The following CSMD1 variants were observed in gnomAD, a reference collection of about 807,000 sequenced individuals.
The protein encoded by CSMD1 is CUB and Sushi multiple domains 1.
In CSMD1, 213 loss-of-function variants were observed where a neutral mutation model predicts 417.5. The ratio of observed to expected loss-of-function variants is 0.51; its 90% CI spans 0.46 to 0.57. The LOEUF is 0.57. CSMD1 is among the 20% of genes least tolerant of loss of function. The probability of loss-of-function intolerance (pLI) is 0.00; values close to 1 mark genes in which losing one functional copy is unlikely to be tolerated. For synonymous variants in CSMD1, 2,862 were observed against 1,736.8 expected (o/e 1.65, Z -16.11); for missense variants, 6,923 against 4,529.7 (o/e 1.53, Z -15.17).
chr8:4,248,646 A>T (rs1038038694), intron 3 of CSMD1, among the ~76,000 whole-genome samples: 1 of 152,150 alleles, frequency 6.6e-6, no homozygotes, highest in African/African-American at 2.4e-5. Context: ...ATTTTACACC[A>T]TTAAGGACCA....
chr8:4,744,329 G>A (rs180759149), intron 1 of CSMD1, among the ~76,000 whole-genome samples: 12 of 152,198 alleles, frequency 7.9e-5, no homozygotes, highest in African/African-American at 2.4e-4. Flanking sequence ...CTACTGATGT[G>A]TGTGCTGTGC....
chr8:4,517,383 C>A (rs868723649), intron 2 of CSMD1, among the ~76,000 whole-genome samples: 9 of 152,184 alleles, frequency 5.9e-5, no homozygotes, highest in Non-Finnish European at 1.3e-4. Flanking sequence ...AACAGCTAAT[C>A]TCCCAGACCA....
intron 5 of CSMD1, among the ~76,000 whole-genome samples, chr8:3,868,245 A>G (rs1311407905): frequency 6.6e-6 from 1 of 152,006 alleles, no homozygotes; most frequent in East Asian, 1.9e-4. Context: ...GGGCATCTCC[A>G]TTTAACTTTA....
intron 10 of CSMD1, among the ~76,000 whole-genome samples, chr8:3,529,777 C>T (rs17066333): frequency 0.073 from 11,071 of 152,190 alleles, 589 homozygotes; most frequent in Admixed American, 0.16. Context: ...CAACATACTT[C>T]GTTTCCTCTT....
Position 3,404,027 on chromosome 8 carries a change from A to G in CSMD1, c.2266+2000T>C, listed in dbSNP as rs1335395530. Among the ~76,000 whole-genome samples the G allele has an allele frequency of 3.3e-5, 5 of 152,158 alleles. No individual in the cohort carries two copies. The East Asian group carries it at 9.6e-4, about 29-fold the overall frequency. ...ACAAATTGTTTTAACAATGTATGAAAAGGGTGAACATCAGAATACCCTCCT... is the reference window on the plus strand; with the variant it reads ...ACAAATTGTTTTAACAATGTATGAAGAGGGTGAACATCAGAATACCCTCCT... On this transcript the variant is annotated intron_variant, in intron 15 of 69. Coordinates refer to ENST00000635120, the MANE Select transcript of CSMD1 (RefSeq NM_033225.6).
At chr8:3,291,932 T>C (rs1278925912) in intron 25 of CSMD1, among the ~76,000 whole-genome samples, 1 of 152,120 alleles carries the variant, frequency 6.6e-6, no homozygotes, top group African/African-American at 2.4e-5. Context: ...GTGTCAATTT[T>C]AGATCTTTCC....
chr8:2,966,449 C>T, intron 58 of CSMD1, 121 bp downstream of exon 58: 2 of 878,224 alleles, frequency 2.3e-6, no homozygotes. Context: ...ACATAGTTTT[C>T]CCTTTTTTCC....
At chr8:4,268,158 CACA>C (rs1264451516) in intron 3 of CSMD1, among the ~76,000 whole-genome samples, 2 of 152,090 alleles carry the variant, frequency 1.3e-5, no homozygotes, top group African/African-American at 2.4e-5. Flanking sequence ...AATGTATTTT[CACA>C]ACAACTTAAT....
intron 7 of CSMD1, among the ~76,000 whole-genome samples, chr8:3,619,141 G>GAC (rs1808874829): frequency 6.6e-6 from 1 of 151,738 alleles, no homozygotes; most frequent in African/African-American, 2.4e-5. Flanking sequence ...ATGAGAAGAT[G>GAC]AGGTTAGATT....
chr8:4,907,671 T>C (rs1245252276), intron 1 of CSMD1, among the ~76,000 whole-genome samples: 1 of 151,930 alleles, frequency 6.6e-6, no homozygotes, highest in African/African-American at 2.4e-5. Flanking sequence ...ATGATCCTCC[T>C]AGTCAACTAC....
Position 3,230,250 on chromosome 8 carries a change from G to C in CSMD1, c.4154-19C>G. ...ATTGAGGCTGCAAACAAAAGAGAAG[G>C]CAAGGTCACAGGCTGGAAAACATGG... On this transcript the variant is annotated intron_variant, in intron 26 of 69. Coordinates refer to ENST00000635120, the MANE Select transcript of CSMD1 (RefSeq NM_033225.6). 1.3e-6 allele frequency: 2 copies of C among 1,547,668 alleles called. No individual in the cohort carries two copies. Among genetic ancestry groups the C allele is most frequent in the African/African-American group, 1.4e-5 (1 of 73,346 alleles).
intron 5 of CSMD1, among the ~76,000 whole-genome samples, chr8:3,815,188 C>A (rs1315365154): frequency 6.6e-6 from 1 of 152,154 alleles, no homozygotes; most frequent in Non-Finnish European, 1.5e-5. Context: ...AGTCCCAGGT[C>A]AACATAGTTT....
At chr8:4,067,644 T>C (rs1257368474) in intron 3 of CSMD1, among the ~76,000 whole-genome samples, 3 of 152,208 alleles carry the variant, frequency 2.0e-5, no homozygotes, top group African/African-American at 7.2e-5. Context: ...ACTGATTTCA[T>C]TCAAAAAGAA....
intron 2 of CSMD1, among the ~76,000 whole-genome samples, chr8:4,469,702 T>C (rs995653140): frequency 2.6e-5 from 4 of 152,034 alleles, no homozygotes; most frequent in African/African-American, 4.8e-5. Context: ...AGGCCTAACG[T>C]CACCACTTTT....
chr8:4,466,290 CAG>C (rs1491583284), intron 2 of CSMD1, among the ~76,000 whole-genome samples: 9 of 151,608 alleles, frequency 5.9e-5, no homozygotes, highest in Non-Finnish European at 1.2e-4. Flanking sequence ...AGGAAGAAAA[CAG>C]AGGAGGAGGA....
chr8:3,260,262 G>A (rs574651334), intron 26 of CSMD1, among the ~76,000 whole-genome samples: 2 of 152,062 alleles, frequency 1.3e-5, no homozygotes, highest in Non-Finnish European at 2.9e-5. Context: ...TTGCTCTTCA[G>A]GGTGAGATCC....
At chr8:4,392,732 G>C (rs1803930183) in intron 3 of CSMD1, among the ~76,000 whole-genome samples, 1 of 151,732 alleles carries the variant, frequency 6.6e-6, no homozygotes, top group African/African-American at 2.4e-5. Flanking sequence ...CACTTTGGGA[G>C]GCTGAGGCGG....
At chr8:4,610,051 T>C (rs1366516172) in intron 2 of CSMD1, among the ~76,000 whole-genome samples, 1 of 152,052 alleles carries the variant, frequency 6.6e-6, no homozygotes, top group Non-Finnish European at 1.5e-5. Flanking sequence ...CAATTAGATA[T>C]CATTTCATCC....
chr8:2,975,846 C>G (rs1804864975), intron 55 of CSMD1, among the ~76,000 whole-genome samples: 1 of 152,130 alleles, frequency 6.6e-6, no homozygotes, highest in Non-Finnish European at 1.5e-5. Flanking sequence ...GCGGAGTGAA[C>G]TGGCCACCCC....
Sources: gnomAD v4.1 joint callset for allele counts (sites outside exome capture counted in the v4.1 genomes callset) on GRCh38, gnomAD v4.1.1 for gene constraint, MANE v1.5 for transcripts, NCBI Gene and HGNC (gene_info 2026-07-23, HGNC 2026-07-21) for gene names.